Variants in ERC2 observed in about 807,000 individuals in gnomAD.
ERC2 encodes ELKS/RAB6-interacting/CAST family member 2.
ERC2 carries 42 observed loss-of-function variants against 114.8 expected under a neutral mutation model. The observed-to-expected ratio is 0.37, with a 90% CI of 0.29 to 0.47. The LOEUF (loss-of-function observed/expected upper bound fraction) is 0.47, where lower values mean the gene tolerates loss of function less well. Ranked by LOEUF, ERC2 falls within the 20% of genes least tolerant of loss-of-function variation. The probability of loss-of-function intolerance (pLI) is 0.99; values close to 1 mark genes in which losing one functional copy is unlikely to be tolerated. For missense variants in ERC2, 939 were observed against 1,150.7 expected (o/e 0.82, Z 2.66); for synonymous variants, 454 against 425.5 (o/e 1.07, Z -0.82).
intron 12 of ERC2, among the ~76,000 whole-genome samples, chr3:55,974,284 C>T (rs993075412): frequency 2.6e-5 from 4 of 152,308 alleles, no homozygotes; most frequent in African/African-American, 4.8e-5. Flanking sequence ...GGGGCTAATA[C>T]GTGGTTTGAG....
At chr3:56,466,319 C>T (rs2063543351) in intron 1 of ERC2, among the ~76,000 whole-genome samples, 1 of 152,180 alleles carries the variant, frequency 6.6e-6, no homozygotes, top group African/African-American at 2.4e-5. Context: ...TATAAAGTGA[C>T]AGCTCTTTGG....
At chr3:56,025,397 G>T (rs1209425437) in intron 7 of ERC2, among the ~76,000 whole-genome samples, 1 of 152,128 alleles carries the variant, frequency 6.6e-6, no homozygotes, top group African/African-American at 2.4e-5. Flanking sequence ...AATATAAAGG[G>T]ATCAGTTTGG....
intron 1 of ERC2, among the ~76,000 whole-genome samples, chr3:56,439,221 G>A (rs1034824544): frequency 1.3e-5 from 2 of 152,170 alleles, no homozygotes; most frequent in African/African-American, 4.8e-5. Context: ...GAGGCAGGAG[G>A]ATTGCTTGAG....
At chr3:55,776,887 C>T (rs887232835) in intron 14 of ERC2, among the ~76,000 whole-genome samples, 2 of 152,130 alleles carry the variant, frequency 1.3e-5, no homozygotes, top group Non-Finnish European at 2.9e-5. Flanking sequence ...TATTAGTATT[C>T]GTTGTAGTTT....
intron 17 of ERC2, among the ~76,000 whole-genome samples, chr3:55,555,931 C>T (rs530380696): frequency 3.4e-4 from 52 of 152,272 alleles, no homozygotes; most frequent in African/African-American, 1.2e-3. Context: ...AGTGACTGTA[C>T]CCAGGGACTT....
At chr3:55,789,425 A>G (rs9827757) in intron 14 of ERC2, among the ~76,000 whole-genome samples, 25 of 152,230 alleles carry the variant, frequency 1.6e-4, no homozygotes, top group South Asian at 1.5e-3. Context: ...AGATTTACAC[A>G]GATAAGATCC....
intron 12 of ERC2, among the ~76,000 whole-genome samples, chr3:55,965,493 C>T (rs2149475630): frequency 1.3e-5 from 2 of 152,182 alleles, no homozygotes; most frequent in Admixed American, 1.3e-4. Flanking sequence ...CTTCTTAAAC[C>T]TTTGTTTTAT....
At chr3:56,358,678 A>G (rs1235087028) in intron 2 of ERC2, among the ~76,000 whole-genome samples, 1 of 152,230 alleles carries the variant, frequency 6.6e-6, no homozygotes, top group Non-Finnish European at 1.5e-5. Context: ...CTCAGTTCAA[A>G]TCTCAACTCT....
intron 3 of ERC2, among the ~76,000 whole-genome samples, chr3:56,212,027 TGGCTTA>T (rs961900472): frequency 1.7e-4 from 26 of 152,128 alleles, no homozygotes; most frequent in African/African-American, 6.3e-4. Flanking sequence ...TTCTAGACAT[TGGCTTA>T]GGCAAAGACT....
intron 7 of ERC2, among the ~76,000 whole-genome samples, chr3:56,023,774 TGAAGGAAGGAAGGAAG>T (rs58820385): frequency 2.3e-5 from 3 of 131,768 alleles, no homozygotes; most frequent in African/African-American, 5.4e-5. Flanking sequence ...AAAAAAGGAA[TGAAGGAAGGAAGGAAG>T]GAAGGAAGGA....
chr3:56,202,496 T>G (rs2048462553), intron 3 of ERC2, among the ~76,000 whole-genome samples: 1 of 128,276 alleles, frequency 7.8e-6, no homozygotes, highest in Admixed American at 8.5e-5. Flanking sequence ...ATCTCTAAAC[T>G]CAAGCTTTTT....
chr3:55,864,429 T>C lies in ERC2; in HGVS notation c.2564+23960A>G, dbSNP rs150782067. Among the ~76,000 whole-genome samples the C allele has an allele frequency of 3.4e-4, 52 of 152,052 alleles. 1 individual carries two copies. Among genetic ancestry groups the C allele is most frequent in the Non-Finnish European group, 3.7e-4 (25 of 67,980 alleles). On this transcript the variant is annotated intron_variant, in intron 14 of 17. Transcript: ENST00000288221. ...GAGGAGTTACTGTGAGATTCAGAACTAGGCATATAGTGGATCTTCCAAAAA... is the reference window on the plus strand; with the variant it reads ...GAGGAGTTACTGTGAGATTCAGAACCAGGCATATAGTGGATCTTCCAAAAA...
intron 3 of ERC2, among the ~76,000 whole-genome samples, chr3:56,197,214 C>G (rs2048160456): frequency 6.6e-6 from 1 of 152,114 alleles, no homozygotes; most frequent in African/African-American, 2.4e-5. Context: ...TGTGTGGCCT[C>G]GGGCAAGTAA....
intron 17 of ERC2, among the ~76,000 whole-genome samples, chr3:55,580,841 G>C (rs552477436): frequency 6.6e-6 from 1 of 152,270 alleles, no homozygotes; most frequent in African/African-American, 2.4e-5. Context: ...AATTGACATT[G>C]AAATACATAG....
At chr3:56,273,541 G>A (rs115570855) in intron 3 of ERC2, among the ~76,000 whole-genome samples, 4,076 of 151,884 alleles carry the variant, frequency 0.027, 97 homozygotes, top group Non-Finnish European at 0.038. Flanking sequence ...CACCACACCC[G>A]GTCAAGGACA....
intron 17 of ERC2, among the ~76,000 whole-genome samples, chr3:55,662,065 G>A (rs967218850): frequency 1.3e-5 from 2 of 152,190 alleles, no homozygotes; most frequent in African/African-American, 4.8e-5. Context: ...GTCTGAACAG[G>A]GAGGACTCTT....
intron 1 of ERC2, among the ~76,000 whole-genome samples, chr3:56,441,524 T>A (rs1576986432): frequency 6.6e-6 from 1 of 152,248 alleles, no homozygotes; most frequent in East Asian, 1.9e-4. Context: ...TAAAGCTTTA[T>A]AATATTTTGA....
At chr3:56,119,911 C>G (rs1487475862) in intron 6 of ERC2, among the ~76,000 whole-genome samples, 1 of 152,098 alleles carries the variant, frequency 6.6e-6, no homozygotes, top group Non-Finnish European at 1.5e-5. Context: ...TCCCAGGGAT[C>G]TGGAGATAAC....
chr3:56,114,090 G>C (rs1041381114), intron 6 of ERC2, among the ~76,000 whole-genome samples: 7 of 152,140 alleles, frequency 4.6e-5, no homozygotes, highest in African/African-American at 1.7e-4. Flanking sequence ...CAAATGGGTT[G>C]GCTAAGTATA....
Sources: gnomAD v4.1 joint callset for allele counts (sites outside exome capture counted in the v4.1 genomes callset) on GRCh38, gnomAD v4.1.1 for gene constraint, MANE v1.5 for transcripts, NCBI Gene and HGNC (gene_info 2026-07-23, HGNC 2026-07-21) for gene names.